RBMS3: variants seen among roughly 807,000 people sequenced by gnomAD.
RBMS3 encodes the protein RNA-binding motif, single-stranded-interacting protein 3.
Under a neutral mutation model 66.8 loss-of-function variants are expected in RBMS3, and 27 were observed. That is an observed-to-expected ratio of 0.40 (90% CI 0.30 to 0.56). The LOEUF is 0.56. RBMS3 is among the 20% of genes least tolerant of loss of function. The pLI, the probability that RBMS3 is intolerant of heterozygous loss-of-function variation, is 0.40. For missense variants in RBMS3, 513 were observed against 549.5 expected, an observed-to-expected ratio of 0.93 and a Z score of 0.66; for synonymous variants, 188 against 183.0, an observed-to-expected ratio of 1.03 and a Z score of -0.22.
chr3:29,366,327 A>G (rs999799125), intron 1 of RBMS3, among the ~76,000 whole-genome samples: 2 of 152,232 alleles, frequency 1.3e-5, no homozygotes, highest in African/African-American at 4.8e-5. Context: ...TTTGAGAACT[A>G]TAACATGAAC....
chr3:29,563,967 T>C (rs1486756636), intron 3 of RBMS3, among the ~76,000 whole-genome samples: 2 of 143,860 alleles, frequency 1.4e-5, no homozygotes, highest in African/African-American at 5.3e-5. Context: ...TAGTGAGCTA[T>C]GGTCACACCA....
chr3:30,002,808 A>C (rs1030599347), intron 14 of RBMS3, among the ~76,000 whole-genome samples: 3 of 151,948 alleles, frequency 2.0e-5, no homozygotes, highest in African/African-American at 4.8e-5. Flanking sequence ...TCTCAAGCTA[A>C]ACAATACACA....
intron 6 of RBMS3, among the ~76,000 whole-genome samples, chr3:29,836,513 T>C (rs1260881786): frequency 3.9e-5 from 6 of 152,000 alleles, no homozygotes; most frequent in East Asian, 1.9e-4. Context: ...GTTGAACTCA[T>C]AGAAACAGAG....
rs146798309 is a variant in RBMS3 at position 29,689,790 on chromosome 3, A to G, written c.400-49930A>G. Among the ~76,000 whole-genome samples the G allele has an allele frequency of 7.0e-3, 1,065 of 151,724 alleles. 15 individuals are homozygous for G. The highest frequency in any genetic ancestry group is 0.024 in the African/African-American group (1,001 of 41,422). On this transcript the variant is annotated intron_variant, in intron 4 of 14. Transcript: ENST00000383767. ...CATCTTTATAAAAATGTTTTAAAAGAGAGGTATGGCCAGGAGCAGTGGCTC... is the reference window on the plus strand; with the variant it reads ...CATCTTTATAAAAATGTTTTAAAAGGGAGGTATGGCCAGGAGCAGTGGCTC...
At chr3:29,875,059 G>T (rs1428367964) in intron 7 of RBMS3, among the ~76,000 whole-genome samples, 1 of 152,094 alleles carries the variant, frequency 6.6e-6, no homozygotes, top group African/African-American at 2.4e-5. Flanking sequence ...AATTACAAGT[G>T]GAAAAGTTGG....
chr3:29,904,634 A>C (rs2149617067), intron 10 of RBMS3, among the ~76,000 whole-genome samples: 1 of 152,184 alleles, frequency 6.6e-6, no homozygotes, highest in African/African-American at 2.4e-5. Flanking sequence ...AAAGATATTT[A>C]CATTTTAAAA....
At chr3:29,363,437 G>T (rs13318780) in intron 1 of RBMS3, among the ~76,000 whole-genome samples, 5 of 152,012 alleles carry the variant, frequency 3.3e-5, no homozygotes, top group African/African-American at 7.2e-5. Flanking sequence ...GATGATGAAG[G>T]CTTCACTAAG....
At chr3:29,380,788 A>T (rs1258280332) in intron 1 of RBMS3, among the ~76,000 whole-genome samples, 1 of 152,176 alleles carries the variant, frequency 6.6e-6, no homozygotes, top group East Asian at 1.9e-4. Flanking sequence ...ACTGGAAGTA[A>T]ATGTGTGATG....
chr3:29,950,320 G>A (rs1452790224), intron 12 of RBMS3, among the ~76,000 whole-genome samples: 1 of 151,868 alleles, frequency 6.6e-6, no homozygotes, highest in Non-Finnish European at 1.5e-5. Context: ...GCATCCCGCA[G>A]CAGCAGCACA....
intron 6 of RBMS3, among the ~76,000 whole-genome samples, chr3:29,798,686 A>G (rs1030486441): frequency 6.6e-6 from 1 of 152,190 alleles, no homozygotes; most frequent in African/African-American, 2.4e-5. Context: ...AAGAAGGTTA[A>G]GTTTTATAGA....
chr3:29,375,157 T>C (rs1264314920), intron 1 of RBMS3, among the ~76,000 whole-genome samples: 2 of 152,170 alleles, frequency 1.3e-5, no homozygotes, highest in Non-Finnish European at 1.5e-5. Flanking sequence ...GCTGGCTATA[T>C]ATAGAAAATT....
At chr3:29,934,796 A>G (rs1025137842) in intron 10 of RBMS3, among the ~76,000 whole-genome samples, 1 of 152,126 alleles carries the variant, frequency 6.6e-6, no homozygotes, top group Non-Finnish European at 1.5e-5. Flanking sequence ...TCTGAAAATT[A>G]ATGGGGAGGA....
chr3:29,929,957 C>A (rs2061064535), intron 10 of RBMS3, among the ~76,000 whole-genome samples: 3 of 151,764 alleles, frequency 2.0e-5, no homozygotes, highest in African/African-American at 7.2e-5. Context: ...CATTGGAAGT[C>A]ATGTAATAGT....
At chr3:29,704,640 T>C (rs183701486) in intron 4 of RBMS3, among the ~76,000 whole-genome samples, 21 of 152,328 alleles carry the variant, frequency 1.4e-4, no homozygotes, top group Middle Eastern at 3.4e-3. Context: ...TCAACCAATG[T>C]TGGATCATTT....
At chr3:29,605,485 TA>T (rs1036832552) in intron 4 of RBMS3, among the ~76,000 whole-genome samples, 1 of 151,914 alleles carries the variant, frequency 6.6e-6, no homozygotes, top group Non-Finnish European at 1.5e-5. Context: ...GATTATTGTG[TA>T]GATTAGGGAA....
At chr3:29,288,060 AAAT>A (rs1322619820) in intron 1 of RBMS3, among the ~76,000 whole-genome samples, 1 of 152,044 alleles carries the variant, frequency 6.6e-6, no homozygotes, top group African/African-American at 2.4e-5. Flanking sequence ...AATTCCTAAT[AAAT>A]ATCAAATTTC....
chr3:29,974,390 G>T (rs1413688591), intron 12 of RBMS3, among the ~76,000 whole-genome samples: 2 of 151,686 alleles, frequency 1.3e-5, no homozygotes, highest in African/African-American at 4.8e-5. Flanking sequence ...AATTGCCCCT[G>T]TTCTTATCTA....
intron 12 of RBMS3, among the ~76,000 whole-genome samples, chr3:29,953,905 G>A (rs1695853863): frequency 6.6e-6 from 1 of 151,730 alleles, no homozygotes. Flanking sequence ...TCAAATGTTT[G>A]TTTCTTCATT....
intron 7 of RBMS3, among the ~76,000 whole-genome samples, chr3:29,875,177 T>G (rs1462681197): frequency 6.6e-6 from 1 of 152,182 alleles, no homozygotes; most frequent in Non-Finnish European, 1.5e-5. Flanking sequence ...TTGTTGGTAG[T>G]GTCCTGGCCA....
Sources: allele counts gnomAD v4.1 joint callset (sites outside exome capture counted in the v4.1 genomes callset), GRCh38; gene constraint gnomAD v4.1.1; transcripts MANE v1.5; gene names NCBI Gene and HGNC (gene_info 2026-07-23, HGNC 2026-07-21).